Variants in JAM2 observed in about 807,000 individuals in gnomAD.
JAM2 encodes junctional adhesion molecule B.
JAM2 carries 17 observed loss-of-function variants against 42.0 expected under a neutral mutation model. That is an observed-to-expected ratio of 0.40 (90% CI 0.28 to 0.61). JAM2 has a LOEUF of 0.61. Ranked by LOEUF, JAM2 falls within the 20% of genes least tolerant of loss-of-function variation. The pLI is 0.37. For synonymous variants in JAM2, 118 were observed against 128.6 expected (o/e 0.92, Z 0.56); for missense variants, 319 against 358.3 (o/e 0.89, Z 0.89).
rs2034180735 is a variant in JAM2 at position 25,702,228 on chromosome 21, C to CAA, written c.656_657insAA (p.Val220MetfsTer14). The CAA allele has an allele frequency of 6.3e-7, 1 of 1,599,102 alleles. No homozygotes were observed. Among genetic ancestry groups the CAA allele is most frequent in the African/African-American group, 1.3e-5 (1 of 74,774 alleles). On this transcript the variant is annotated frameshift_variant, in exon 6 of 10. Transcript: ENST00000480456. LOFTEE classifies it high-confidence loss of function. The stretch of plus-strand genomic sequence containing the variant: ...GAATATTCCTGTGAAGCCCGCAATT[C>CAA]TGTTGGATATCGCAGGTGTCCTGGG...
intron 1 of JAM2, among the ~76,000 whole-genome samples, chr21:25,642,793 AT>A (rs1431762753): frequency 1.8e-4 from 28 of 152,194 alleles, no homozygotes; most frequent in African/African-American, 6.8e-4. Context: ...ATGCCTGTTG[AT>A]TCTATGGTGC....
chr21:25,661,964 G>T (rs1175163923), intron 1 of JAM2, among the ~76,000 whole-genome samples: 1 of 152,000 alleles, frequency 6.6e-6, no homozygotes, highest in Non-Finnish European at 1.5e-5. Flanking sequence ...GATATGTATA[G>T]ATGTGGGTGT....
chr21:25,689,678 A>G (rs578030894), intron 2 of JAM2, among the ~76,000 whole-genome samples, 188 bp from the exon 3 acceptor site: 1 of 152,368 alleles, frequency 6.6e-6, no homozygotes, highest in East Asian at 1.9e-4. Context: ...ACAGTGTCAT[A>G]CAGTTACTAT....
At chr21:25,687,945 T>C (rs1568907995) in intron 2 of JAM2, among the ~76,000 whole-genome samples, 5 of 152,258 alleles carry the variant, frequency 3.3e-5, no homozygotes, top group Admixed American at 2.0e-4. Context: ...TAATTCACTT[T>C]ATTATGTTTC....
intron 1 of JAM2, 63 bp downstream of exon 1, chr21:25,639,951 C>T (rs372253933): frequency 4.2e-6 from 5 of 1,199,520 alleles, no homozygotes; most frequent in Non-Finnish European, 5.9e-6. Flanking sequence ...CCTCCAGCCC[C>T]CCACGGGGCG....
intron 8 of JAM2, among the ~76,000 whole-genome samples, chr21:25,711,833 T>C (rs1227281057): frequency 1.3e-5 from 2 of 152,218 alleles, no homozygotes; most frequent in Non-Finnish European, 2.9e-5. Flanking sequence ...TCAGTATCTC[T>C]AGCAAATCAA....
At chr21:25,698,580 A>T in intron 4 of JAM2, 97 bp from the exon 5 acceptor site, 1 of 1,036,888 alleles carries the variant, frequency 9.6e-7, no homozygotes, top group Non-Finnish European at 1.4e-6. Context: ...GGCTATTAAA[A>T]CCATTGATTG....
rs1446232817 is a variant in JAM2, at chr21:25,639,788, C to T, written c.-34C>T. On this transcript the variant is annotated 5_prime_UTR_variant, in exon 1 of 10. Transcript: ENST00000480456. Reference sequence around the variant, plus strand: ...GCGCTCCTGCCGCCGGGACCCTCGACCTCCTCAGAGCAGCCGGCTGCCGCC... The same window carrying T: ...GCGCTCCTGCCGCCGGGACCCTCGATCTCCTCAGAGCAGCCGGCTGCCGCC... 13 of 1,517,742 alleles carry T rather than the reference C, an allele frequency of 8.6e-6. No individual in the cohort carries two copies. Among genetic ancestry groups the T allele is most frequent in the Non-Finnish European group, 1.2e-5 (13 of 1,123,822 alleles). 94.0% of individuals were successfully genotyped at this position (1,517,742 alleles called of 1,614,324 possible).
chr21:25,712,443 G>T, intron 9 of JAM2, 61 bp downstream of exon 9: 1 of 1,184,452 alleles, frequency 8.4e-7, no homozygotes, highest in South Asian at 1.3e-5. Flanking sequence ...GCAGGGAAAT[G>T]AAGTAATTAT....
chr21:25,640,459 A>T (rs566378881), intron 1 of JAM2, among the ~76,000 whole-genome samples: 11 of 152,350 alleles, frequency 7.2e-5, no homozygotes, highest in African/African-American at 2.6e-4. Flanking sequence ...ATTCACTTAG[A>T]GAAGTCTGGT....
chr21:25,674,349 C>T (rs980160770), intron 1 of JAM2, among the ~76,000 whole-genome samples: 1 of 152,018 alleles, frequency 6.6e-6, no homozygotes, highest in Non-Finnish European at 1.5e-5. Context: ...GAGCTGAGAT[C>T]GTGCTACTAC....
intron 1 of JAM2, among the ~76,000 whole-genome samples, chr21:25,654,122 T>C (rs1472033212): frequency 4.6e-5 from 7 of 152,188 alleles, no homozygotes; most frequent in Non-Finnish European, 1.0e-4. Context: ...TGTAACCACA[T>C]AGCCTTAACT....
intron 4 of JAM2, among the ~76,000 whole-genome samples, chr21:25,695,478 A>G (rs2033985030): frequency 6.6e-6 from 1 of 152,204 alleles, no homozygotes; most frequent in African/African-American, 2.4e-5. Flanking sequence ...CCCGTTCTCA[A>G]TGAGCTGTTG....
chr21:25,639,847 T>TC lies in JAM2; in HGVS notation c.28dup (p.Leu10ProfsTer16). On this transcript the variant is annotated frameshift_variant, in exon 1 of 10. Coordinates refer to ENST00000480456, the MANE Select transcript of JAM2 (RefSeq NM_021219.4). LOFTEE classifies it high-confidence loss of function. The stretch of plus-strand genomic sequence containing the variant: ...ATGGCGAGGAGGAGCCGCCACCGCC[T>TC]CCTCCTGCTGCTGCTGCGCTACCTG... 1 of 1,592,910 alleles carries TC rather than the reference T, an allele frequency of 6.3e-7. No homozygotes were observed. The highest frequency in any genetic ancestry group is 8.5e-7 in the Non-Finnish European group (1 of 1,171,700).
At chr21:25,685,521 T>A in intron 2 of JAM2, among the ~76,000 whole-genome samples, 1 of 56,762 alleles carries the variant, frequency 1.8e-5, no homozygotes, top group African/African-American at 9.8e-5. Flanking sequence ...AGAGAGAATG[T>A]CTCAAAAAAA....
chr21:25,708,608 G>T (rs374353408), intron 7 of JAM2, among the ~76,000 whole-genome samples: 7 of 152,092 alleles, frequency 4.6e-5, no homozygotes, highest in African/African-American at 1.7e-4. Context: ...ATTAATACTT[G>T]TTCAGTGCTT....
intron 1 of JAM2, among the ~76,000 whole-genome samples, chr21:25,670,642 A>C (rs764522413): frequency 2.6e-5 from 4 of 152,220 alleles, no homozygotes; most frequent in Non-Finnish European, 4.4e-5. Flanking sequence ...GATCCTAAAA[A>C]AGTGCGTGTT....
intron 1 of JAM2, among the ~76,000 whole-genome samples, chr21:25,681,601 T>G (rs56148122): frequency 0.14 from 21,518 of 152,150 alleles, 1,589 homozygotes; most frequent in Middle Eastern, 0.15. Flanking sequence ...CCAAACCATA[T>G]CAACCAACAA....
intron 1 of JAM2, among the ~76,000 whole-genome samples, chr21:25,664,392 T>G (rs2033164390): frequency 6.6e-6 from 1 of 152,154 alleles, no homozygotes; most frequent in African/African-American, 2.4e-5. Context: ...CACGCCATCA[T>G]GCCCAGCTAA....
Sources: allele counts gnomAD v4.1 joint callset (sites outside exome capture counted in the v4.1 genomes callset), GRCh38; gene constraint gnomAD v4.1.1; transcripts MANE v1.5; gene names NCBI Gene and HGNC (gene_info 2026-07-23, HGNC 2026-07-21).